The following KIF2C variants were observed in gnomAD, a reference collection of about 807,000 sequenced individuals.
KIF2C encodes the protein kinesin family member 2C.
Under a neutral mutation model 97.4 loss-of-function variants are expected in KIF2C, and 34 were observed. The ratio of observed to expected loss-of-function variants is 0.35; its 90% CI spans 0.27 to 0.46. KIF2C has a LOEUF of 0.46. Ranked by LOEUF, KIF2C falls within the 20% of genes least tolerant of loss-of-function variation. The probability of loss-of-function intolerance (pLI) is 1.00; values close to 1 mark genes in which losing one functional copy is unlikely to be tolerated. For missense variants in KIF2C, 750 were observed against 907.6 expected, an observed-to-expected ratio of 0.83 and a Z score of 2.23; for synonymous variants, 313 against 318.2, an observed-to-expected ratio of 0.98 and a Z score of 0.17.
At chr1:44,761,525 G>A (rs1028469768) in intron 16 of KIF2C, among the ~76,000 whole-genome samples, 4 of 151,776 alleles carry the variant, frequency 2.6e-5, no homozygotes, top group Non-Finnish European at 4.4e-5. Context: ...GGAGAATGGC[G>A]TGAACCTGGG....
intron 6 of KIF2C, 116 bp downstream of exon 6, chr1:44,753,370 G>A (rs1490632318): frequency 7.6e-6 from 9 of 1,179,234 alleles, no homozygotes; most frequent in Non-Finnish European, 1.0e-5. Flanking sequence ...GTCACGTGGG[G>A]GCATGTTTTC....
chr1:44,761,771 C>T (rs1392392222), intron 16 of KIF2C, 145 bp from the exon 17 acceptor site: 25 of 729,906 alleles, frequency 3.4e-5, no homozygotes, highest in Middle Eastern at 3.2e-4. Context: ...CCTAGCACAG[C>T]GCGGTGCTAA....
intron 2 of KIF2C, chr1:44,746,422 G>A (rs1463513270): frequency 1.8e-6 from 2 of 1,139,094 alleles, no homozygotes; most frequent in Non-Finnish European, 2.2e-6. Flanking sequence ...CGTAACTGGG[G>A]AAGTTTCTGG....
intron 19 of KIF2C, among the ~76,000 whole-genome samples, chr1:44,764,714 G>A (rs1377242946): frequency 1.3e-5 from 2 of 151,604 alleles, no homozygotes; most frequent in Non-Finnish European, 2.9e-5. Context: ...TCTCCATGTT[G>A]GTCAGGCTGG....
At chr1:44,751,604 G>A (rs1232107457) in intron 5 of KIF2C, among the ~76,000 whole-genome samples, 1 of 150,854 alleles carries the variant, frequency 6.6e-6, no homozygotes, top group Non-Finnish European at 1.5e-5. Flanking sequence ...TGCCTCCCGG[G>A]TTCAATTGAT....
chr1:44,758,000 T>C lies in KIF2C; in HGVS notation c.1132+29T>C, dbSNP rs780459719. On this transcript the variant is annotated intron_variant, in intron 12 of 20. Coordinates refer to ENST00000372224, the MANE Select transcript of KIF2C (RefSeq NM_006845.4). The stretch of plus-strand genomic sequence containing the variant: ...AGTACTGTGTACTGCTGCTTCAGGG[T>C]TGGGCACAGAAAGGCAGGTTGTTTG... The C allele has an allele frequency of 1.9e-5, 31 of 1,613,932 alleles. No homozygotes were observed. The Admixed American group carries it at 4.8e-4, about 25-fold the overall frequency.
rs1208296758 is a variant in KIF2C at position 44,764,199 on chromosome 1, CAG to C, written c.1971+1544_1971+1545del. On this transcript the variant is annotated intron_variant, in intron 19 of 20. Coordinates refer to ENST00000372224, the MANE Select transcript of KIF2C (RefSeq NM_006845.4). Reference sequence around the variant, plus strand: ...TCTCTATATATATATGTTTTTGAGACAGAGTCTCACTCGTCACCCAGGCTGGA... The same window carrying C: ...TCTCTATATATATATGTTTTTGAGACAGTCTCACTCGTCACCCAGGCTGGA... 2.0e-5 allele frequency among the ~76,000 whole-genome samples: 3 copies of C among 152,222 alleles called. No individual in the cohort carries two copies. In the East Asian group the frequency reaches 5.8e-4, roughly 29 times the overall value.
intron 17 of KIF2C, 31 bp from the exon 18 acceptor site, chr1:44,762,315 T>A: frequency 1.9e-6 from 3 of 1,561,086 alleles, no homozygotes; most frequent in South Asian, 2.2e-5. Context: ...AAGGGGGTGC[T>A]GTGGGATCTG....
At chr1:44,766,553 G>A (rs1351026597) in intron 19 of KIF2C, among the ~76,000 whole-genome samples, 1 of 152,160 alleles carries the variant, frequency 6.6e-6, no homozygotes, top group Non-Finnish European at 1.5e-5. Flanking sequence ...GGAGGCTATG[G>A]TGAGCCGAGA....
At position 44,765,677 on chromosome 1, in the gene KIF2C, TAAAAAA is replaced by T. The variant is rs571820993; in HGVS notation, c.1972-1145_1972-1140del. ...GTGAAACCCTGTCTCTACTAAAAAA[TAAAAAA>T]AAATAGCCTGGTGTGGTGGCGCGTA... is the stretch of plus-strand genomic sequence containing the variant. On this transcript the variant is annotated intron_variant, in intron 19 of 20. Coordinates refer to ENST00000372224, the MANE Select transcript of KIF2C (RefSeq NM_006845.4). 1.7e-3 allele frequency among the ~76,000 whole-genome samples: 265 copies of T among 151,850 alleles called. 1 individual carries two copies. Among genetic ancestry groups the T allele is most frequent in the South Asian group, 3.1e-3 (15 of 4,800 alleles).
At chr1:44,750,942 G>T (rs1483429147) in intron 5 of KIF2C, among the ~76,000 whole-genome samples, 1 of 152,092 alleles carries the variant, frequency 6.6e-6, no homozygotes, top group Non-Finnish European at 1.5e-5. Context: ...TTTGGAAGAG[G>T]TGAAAGACTA....
At chr1:44,744,827 G>A (rs1170232983) in intron 2 of KIF2C, among the ~76,000 whole-genome samples, 2 of 152,102 alleles carry the variant, frequency 1.3e-5, no homozygotes, top group African/African-American at 2.4e-5. Context: ...TTGAACCCGG[G>A]AGGTGGAGGT....
At chr1:44,741,664 G>A (rs1000583779) in intron 2 of KIF2C, among the ~76,000 whole-genome samples, 1 of 151,982 alleles carries the variant, frequency 6.6e-6, no homozygotes, top group Non-Finnish European at 1.5e-5. Context: ...TGGCCTGGGC[G>A]ACAGAGTGAG....
At chr1:44,743,047 G>T (rs528875497) in intron 2 of KIF2C, among the ~76,000 whole-genome samples, 23 of 152,326 alleles carry the variant, frequency 1.5e-4, no homozygotes, top group African/African-American at 5.3e-4. Context: ...AGCTGGCCAC[G>T]AGCAGTGCAG....
chr1:44,747,629 T>C (rs1383011220), intron 3 of KIF2C, 23 bp from the exon 4 acceptor site: 1 of 1,612,968 alleles, frequency 6.2e-7, no homozygotes. Flanking sequence ...CCATATATTG[T>C]GACAATTTGA....
At chr1:44,749,893 A>G (rs1039411899) in intron 4 of KIF2C, among the ~76,000 whole-genome samples, 2 of 151,954 alleles carry the variant, frequency 1.3e-5, no homozygotes, top group Non-Finnish European at 2.9e-5. Flanking sequence ...GCTGGCCAAC[A>G]TGGTGAAACC....
At chr1:44,749,635 G>T (rs1220857001) in intron 4 of KIF2C, among the ~76,000 whole-genome samples, 1 of 151,868 alleles carries the variant, frequency 6.6e-6, no homozygotes, top group Non-Finnish European at 1.5e-5. Context: ...TAGGACGATT[G>T]TAAAAATTCA....
At chr1:44,741,053 A>G (rs368007780) in intron 2 of KIF2C, 46 bp downstream of exon 2, 4 of 1,425,284 alleles carry the variant, frequency 2.8e-6, no homozygotes, top group Non-Finnish European at 4.0e-6. Context: ...GTCTTCCTAC[A>G]TAAAGGATCT....
Position 44,760,925 on chromosome 1 carries a change from G to A in KIF2C, c.1683+223G>A. 1 of 522,892 alleles carries A rather than the reference G, an allele frequency of 1.9e-6. No individual in the cohort carries two copies. The allele number at this position is 522,892 out of a possible 1,614,324, so 32.4% of individuals were successfully genotyped here. ...TCTATTCCCTTTAAGATGTGTAGGT[G>A]CAGCTCTTGGTTTGGGAGAGGTCAT... On this transcript the variant is annotated intron_variant, in intron 16 of 20. Transcript: ENST00000372224. This position sits in a 1 kb window ranked among gnomAD's most constrained non-coding sequence, Gnocchi z 4.2.
Sources: allele counts gnomAD v4.1 joint callset (sites outside exome capture counted in the v4.1 genomes callset), GRCh38; gene constraint gnomAD v4.1.1; non-coding constraint Gnocchi (gnomAD v3.1); transcripts MANE v1.5; gene names NCBI Gene and HGNC (gene_info 2026-07-23, HGNC 2026-07-21).